FEZ1: variants seen among roughly 807,000 people sequenced by gnomAD.
FEZ1 encodes fasciculation and elongation protein zeta 1, also known as fasciculation and elongation protein zeta-1.
A neutral mutation model predicts 49.3 loss-of-function variants in FEZ1; 20 were observed. The ratio of observed to expected loss-of-function variants is 0.41; its 90% CI spans 0.29 to 0.59. The LOEUF (loss-of-function observed/expected upper bound fraction) is 0.59, where lower values mean the gene tolerates loss of function less well. Among genes scored for constraint, FEZ1 ranks in the 20% least tolerant of loss-of-function variants. The pLI, the probability that FEZ1 is intolerant of heterozygous loss-of-function variation, is 0.36. For synonymous variants in FEZ1, 170 were observed against 180.9 expected (o/e 0.94, Z 0.48); for missense variants, 413 against 476.0 (o/e 0.87, Z 1.23).
intron 4 of FEZ1, among the ~76,000 whole-genome samples, chr11:125,462,525 C>T (rs1037224157): frequency 6.6e-6 from 1 of 152,142 alleles, no homozygotes; most frequent in Non-Finnish European, 1.5e-5. Flanking sequence ...AGTGTCTTGA[C>T]TCCGAGTACA....
rs181911888 is a variant in FEZ1 at position 125,488,400 on chromosome 11, G to C, written c.311+1067C>G. ...TCTTAAAACATATCCCCCACCATGG[G>C]CCAGGTGTGGTGACTCACGCCTGTA... On this transcript the variant is annotated intron_variant, in intron 2 of 9. Coordinates refer to ENST00000278919, the MANE Select transcript of FEZ1 (RefSeq NM_005103.5). Among the ~76,000 whole-genome samples, 5 of 152,292 alleles carry C rather than the reference G, an allele frequency of 3.3e-5. No individual in the cohort carries two copies. The East Asian group carries it at 9.7e-4, about 29-fold the overall frequency.
In FEZ1 at chr11:125,489,134, G is replaced by C. The variant is rs1565305026; in HGVS notation, c.311+333C>G. Reference sequence around the variant, plus strand: ...CATCATGGTTAATTAATTTTTTCTGGCCTTTATTTCTAATATCTCGCTGGA... The same window carrying C: ...CATCATGGTTAATTAATTTTTTCTGCCCTTTATTTCTAATATCTCGCTGGA... On this transcript the variant is annotated intron_variant, in intron 2 of 9. Transcript: ENST00000278919. This position sits in a 1 kb window ranked among gnomAD's most constrained non-coding sequence, Gnocchi z 4.2. 9.9e-7 allele frequency: 1 copy of C among 1,013,872 alleles called. No individual in the cohort carries two copies. The highest frequency in any genetic ancestry group is 5.8e-5 in the Admixed American group (1 of 17,136). 62.8% of individuals were successfully genotyped at this position (1,013,872 alleles called of 1,614,324 possible). A position where few individuals can be genotyped will look rare whatever the true frequency, so the allele number is the denominator to read the frequency against.
chr11:125,452,817 T>C (rs565611642), intron 7 of FEZ1: 3 of 162,132 alleles, frequency 1.9e-5, no homozygotes, highest in Non-Finnish European at 4.0e-5. Flanking sequence ...CCAGGGTCTC[T>C]GATGTCAGAT....
chr11:125,466,748 T>G (rs1425903614), intron 3 of FEZ1, among the ~76,000 whole-genome samples: 3 of 152,208 alleles, frequency 2.0e-5, no homozygotes, highest in Non-Finnish European at 2.9e-5. Context: ...TGCTAAATCT[T>G]GCTGCACAGT....
chr11:125,460,923 G>A (rs1488781117), intron 4 of FEZ1, among the ~76,000 whole-genome samples: 1 of 152,130 alleles, frequency 6.6e-6, no homozygotes, highest in African/African-American at 2.4e-5. Flanking sequence ...TTGGAAATAA[G>A]CTGCTCTTTC....
At chr11:125,477,931 G>T (rs1341477923) in intron 3 of FEZ1, among the ~76,000 whole-genome samples, 2 of 151,836 alleles carry the variant, frequency 1.3e-5, no homozygotes, top group Non-Finnish European at 2.9e-5. Context: ...GAAGGCAGGG[G>T]TCTACTGTTT....
At chr11:125,449,504 G>A (rs1405353485) in intron 8 of FEZ1, among the ~76,000 whole-genome samples, 1 of 147,056 alleles carries the variant, frequency 6.8e-6, no homozygotes, top group African/African-American at 2.5e-5. Context: ...AGTTATCAGT[G>A]AAGAAAGGTT....
chr11:125,472,900 T>A (rs996759952), intron 3 of FEZ1, among the ~76,000 whole-genome samples: 1 of 152,174 alleles, frequency 6.6e-6, no homozygotes, highest in African/African-American at 2.4e-5. Context: ...CACATTAACA[T>A]GATAAATTGA....
intron 3 of FEZ1, among the ~76,000 whole-genome samples, chr11:125,470,738 G>A (rs1402250087): frequency 1.3e-5 from 2 of 152,182 alleles, no homozygotes; most frequent in Non-Finnish European, 2.9e-5. Flanking sequence ...AGCATTTTGG[G>A]TTGAAAGGAA....
At chr11:125,456,789 A>G (rs2135744351) in intron 5 of FEZ1, among the ~76,000 whole-genome samples, 1 of 152,324 alleles carries the variant, frequency 6.6e-6, no homozygotes, top group South Asian at 2.1e-4. Context: ...TTCATTTAAA[A>G]TAGATTTGGA....
rs966814980 is a variant in FEZ1, at chr11:125,445,966, G to C, written c.*129C>G. On this transcript the variant is annotated 3_prime_UTR_variant, in exon 10 of 10. Transcript: ENST00000278919. This position sits in a 1 kb window ranked among gnomAD's most constrained non-coding sequence, Gnocchi z 4.4. ...GGCAAAGGACCCCGCGCGCTTGCTC[G>C]TGTTTAATCCAGGTTAAGCTATACA... The C allele has an allele frequency of 1.1e-5, 11 of 966,902 alleles. No homozygotes were observed. Among genetic ancestry groups the C allele is most frequent in the South Asian group, 2.6e-5 (2 of 77,690 alleles). 59.9% of individuals were successfully genotyped at this position (966,902 alleles called of 1,614,324 possible).
rs1028800922 is a variant in FEZ1 at position 125,446,324 on chromosome 11, G to A, written c.1163-213C>T. 1.4e-4 allele frequency among the ~76,000 whole-genome samples: 21 copies of A among 150,512 alleles called. 1 individual carries two copies. The highest frequency in any genetic ancestry group is 3.9e-4 in the African/African-American group (16 of 40,904). On this transcript the variant is annotated intron_variant, in intron 9 of 9. Coordinates refer to ENST00000278919, the MANE Select transcript of FEZ1 (RefSeq NM_005103.5). ...CTCCGGGGCCTGAGTTCAAATCCTG[G>A]ATCCAGCCATTACTAACTACATGAC...
At chr11:125,485,475 C>T (rs1957318674) in intron 2 of FEZ1, among the ~76,000 whole-genome samples, 1 of 152,160 alleles carries the variant, frequency 6.6e-6, no homozygotes, top group Non-Finnish European at 1.5e-5. Context: ...CTATTTCTGA[C>T]AATATGGCAG....
intron 8 of FEZ1, among the ~76,000 whole-genome samples, 165 bp downstream of exon 8, chr11:125,452,169 T>C (rs1055162267): frequency 7.2e-5 from 11 of 152,214 alleles, no homozygotes; most frequent in African/African-American, 2.4e-4. Flanking sequence ...CAGAGTATTT[T>C]AATTTTACAC....
intron 1 of FEZ1, among the ~76,000 whole-genome samples, chr11:125,491,012 C>T (rs192931427): frequency 2.6e-5 from 4 of 152,238 alleles, no homozygotes; most frequent in African/African-American, 4.8e-5. Context: ...CCTCAGCCTC[C>T]CAAAGTTCTG....
chr11:125,446,189 G>A (rs1956897485), intron 9 of FEZ1, 78 bp from the exon 10 acceptor site: 3 of 1,384,356 alleles, frequency 2.2e-6, no homozygotes, highest in East Asian at 4.6e-5. Flanking sequence ...GATAGCCCTA[G>A]CTGAGAGCAG....
intron 4 of FEZ1, among the ~76,000 whole-genome samples, chr11:125,461,767 C>T (rs1346714564): frequency 6.6e-6 from 1 of 152,218 alleles, no homozygotes; most frequent in Non-Finnish European, 1.5e-5. Context: ...CAGCATTGTA[C>T]TCTTTGAGGT....
intron 1 of FEZ1, among the ~76,000 whole-genome samples, chr11:125,491,656 G>A (rs12282706): frequency 0.012 from 1,824 of 152,228 alleles, 34 homozygotes; most frequent in African/African-American, 0.032. Context: ...TTTGCCCTAG[G>A]AGTGCCCATT....
chr11:125,490,913 C>A (rs572701846), intron 1 of FEZ1, among the ~76,000 whole-genome samples: 17 of 151,852 alleles, frequency 1.1e-4, no homozygotes, highest in Non-Finnish European at 2.4e-4. Context: ...GCCACCACAC[C>A]CAGCTAATTT....
Sources: gnomAD v4.1 joint callset for allele counts (sites outside exome capture counted in the v4.1 genomes callset) on GRCh38, gnomAD v4.1.1 for gene constraint, Gnocchi (gnomAD v3.1) non-coding constraint, MANE v1.5 for transcripts, NCBI Gene and HGNC (gene_info 2026-07-23, HGNC 2026-07-21) for gene names.